Variants in ATP6V0A4 observed in about 807,000 individuals in gnomAD.
ATP6V0A4 encodes the protein ATPase H+ transporting V0 subunit a4, also known as V-type proton ATPase 116 kDa subunit a 4.
Under a neutral mutation model 107.3 loss-of-function variants are expected in ATP6V0A4, and 86 were observed. The ratio of observed to expected loss-of-function variants is 0.80; its 90% CI spans 0.67 to 0.96. The LOEUF (loss-of-function observed/expected upper bound fraction) is 0.96. Ranked by LOEUF, ATP6V0A4 falls within the 40% of genes least tolerant of loss-of-function variation. The pLI is 0.00. For missense variants in ATP6V0A4, 908 were observed against 1,045.6 expected, an observed-to-expected ratio of 0.87 and a Z score of 1.81; for synonymous variants, 353 against 381.4, an observed-to-expected ratio of 0.93 and a Z score of 0.87.
intron 1 of ATP6V0A4, among the ~76,000 whole-genome samples, chr7:138,792,254 C>T (rs10252266): frequency 0.024 from 3,637 of 152,130 alleles, 160 homozygotes; most frequent in African/African-American, 0.083. Context: ...TGCAGTGAGC[C>T]GAGATAGCGC....
chr7:138,719,784 C>T (rs750430610), intron 19 of ATP6V0A4, among the ~76,000 whole-genome samples: 2 of 152,124 alleles, frequency 1.3e-5, no homozygotes, highest in Non-Finnish European at 2.9e-5. Flanking sequence ...CTTTGGGAGG[C>T]CGAGGTAGGC....
Position 138,797,834 on chromosome 7 carries a change from G to C in ATP6V0A4, c.-121+200C>G, listed in dbSNP as rs1808757172. On this transcript the variant is annotated intron_variant, in intron 1 of 21. Coordinates refer to ENST00000310018, the MANE Select transcript of ATP6V0A4 (RefSeq NM_020632.3). ...TTGTTTCTCAATAAGGACAATATTT[G>C]CGCTCAGGGGAGAAGGGCACAGCTT... The C allele has an allele frequency of 1.4e-5, 8 of 582,456 alleles. No individual in the cohort carries two copies. The Middle Eastern group carries it at 1.5e-3, about 107-fold the overall frequency. The allele number at this position is 582,456 out of a possible 1,614,324, so 36.1% of individuals were successfully genotyped here.
chr7:138,797,058 C>A (rs1278582377), intron 1 of ATP6V0A4, among the ~76,000 whole-genome samples: 1 of 152,110 alleles, frequency 6.6e-6, no homozygotes, highest in East Asian at 1.9e-4. Context: ...GGCTCACCTG[C>A]GCTTCTGGGT....
rs570873149 is a variant in ATP6V0A4 at position 138,792,356 on chromosome 7, A to G, written c.-121+5678T>C. On this transcript the variant is annotated intron_variant, in intron 1 of 21. Coordinates refer to ENST00000310018, the MANE Select transcript of ATP6V0A4 (RefSeq NM_020632.3). ...GAAAGTGGTGAAAGTGTCAATTAAT[A>G]TTAGACTTTGATATGTTAAGAATGC... Among the ~76,000 whole-genome samples the G allele has an allele frequency of 3.9e-5, 6 of 152,314 alleles. No homozygotes were observed. In the East Asian group the frequency reaches 9.6e-4, roughly 24 times the overall value.
At chr7:138,786,668 C>G (rs1025199559) in intron 1 of ATP6V0A4, among the ~76,000 whole-genome samples, 3 of 151,642 alleles carry the variant, frequency 2.0e-5, no homozygotes, top group Non-Finnish European at 4.4e-5. Context: ...GAGAGAGAGA[C>G]AGATTGAGAG....
chr7:138,747,965 G>A (rs187233975), intron 12 of ATP6V0A4, among the ~76,000 whole-genome samples: 80 of 151,812 alleles, frequency 5.3e-4, no homozygotes, highest in African/African-American at 1.8e-3. Flanking sequence ...TATATTGCCC[G>A]GGCTGGTCTC....
chr7:138,748,254 A>C (rs4728445), intron 12 of ATP6V0A4, among the ~76,000 whole-genome samples: 32,733 of 151,764 alleles, frequency 0.22, 3,768 homozygotes, highest in Admixed American at 0.28. Context: ...ATTCACATGC[A>C]CCACACACCA....
chr7:138,757,747 T>A (rs1340792228), intron 8 of ATP6V0A4, among the ~76,000 whole-genome samples: 1 of 152,156 alleles, frequency 6.6e-6, no homozygotes, highest in African/African-American at 2.4e-5. Flanking sequence ...AAAATCCACA[T>A]GCATAAAGAT....
At chr7:138,763,975 A>AAAAAAT (rs774897965) in intron 5 of ATP6V0A4, among the ~76,000 whole-genome samples, 1 of 143,612 alleles carries the variant, frequency 7.0e-6, no homozygotes, top group African/African-American at 2.5e-5. Context: ...TCAAAAAAAA[A>AAAAAAT]ATATATATAT....
intron 17 of ATP6V0A4, 49 bp downstream of exon 17, chr7:138,732,826 CAT>C: frequency 6.9e-7 from 1 of 1,441,378 alleles, no homozygotes; most frequent in East Asian, 2.5e-5. Context: ...AGAAATTTGA[CAT>C]AATCAAGTAA....
chr7:138,791,258 T>A (rs891836908), intron 1 of ATP6V0A4, among the ~76,000 whole-genome samples: 61 of 152,012 alleles, frequency 4.0e-4, no homozygotes, highest in Non-Finnish European at 6.6e-4. Flanking sequence ...ACAAGAGATT[T>A]CATAAAAGAC....
intron 2 of ATP6V0A4, among the ~76,000 whole-genome samples, chr7:138,784,279 T>TATATATACAC (rs1375136956): frequency 2.8e-5 from 1 of 35,742 alleles, no homozygotes; most frequent in African/African-American, 9.4e-5. Flanking sequence ...TATATATATA[T>TATATATACAC]ACATATATAT....
intron 16 of ATP6V0A4, 129 bp downstream of exon 16, chr7:138,734,007 C>T: frequency 9.5e-7 from 1 of 1,057,620 alleles, no homozygotes. Flanking sequence ...AGCCCAGATG[C>T]CCAGGGAAGT....
chr7:138,790,529 A>C (rs1347266136), intron 1 of ATP6V0A4, among the ~76,000 whole-genome samples: 1 of 152,180 alleles, frequency 6.6e-6, no homozygotes. Flanking sequence ...TCCTGACCTC[A>C]GGTGATCAGC....
intron 15 of ATP6V0A4, 83 bp from the exon 16 acceptor site, chr7:138,734,337 C>T: frequency 3.8e-6 from 6 of 1,598,614 alleles, no homozygotes; most frequent in Non-Finnish European, 5.1e-6. Flanking sequence ...CACAACTTTC[C>T]CTAAGCAAAC....
At chr7:138,741,899 T>C (rs2117262522) in intron 14 of ATP6V0A4, among the ~76,000 whole-genome samples, 1 of 152,248 alleles carries the variant, frequency 6.6e-6, no homozygotes, top group East Asian at 1.9e-4. Context: ...GATAATGAGG[T>C]TCTGCCTTAT....
intron 2 of ATP6V0A4, among the ~76,000 whole-genome samples, chr7:138,783,562 C>T (rs866569731): frequency 7.9e-5 from 12 of 151,910 alleles, no homozygotes; most frequent in South Asian, 2.1e-4. Context: ...ATCATCTCTA[C>T]GAAAAATTTA....
chr7:138,792,766 G>GTTTTTTGTTTT (rs1808474812), intron 1 of ATP6V0A4, among the ~76,000 whole-genome samples: 35 of 68,654 alleles, frequency 5.1e-4, no homozygotes, highest in African/African-American at 9.0e-4. Context: ...ACTCAGGTTT[G>GTTTTTTGTTTT]TTTTTTTTTT....
At chr7:138,754,254 G>C (rs1173443891) in intron 10 of ATP6V0A4, among the ~76,000 whole-genome samples, 2 of 151,948 alleles carry the variant, frequency 1.3e-5, no homozygotes. Context: ...TTCGAGACCA[G>C]CCTGACCGAC....
Sources: gnomAD v4.1 joint callset for allele counts (sites outside exome capture counted in the v4.1 genomes callset) on GRCh38, gnomAD v4.1.1 for gene constraint, MANE v1.5 for transcripts, NCBI Gene and HGNC (gene_info 2026-07-23, HGNC 2026-07-21) for gene names.